Variants in ASCC1 observed in about 807,000 individuals in gnomAD.
The protein encoded by ASCC1 is activating signal cointegrator 1 complex subunit 1.
ASCC1 carries 35 observed loss-of-function variants against 46.6 expected under a neutral mutation model. That is an observed-to-expected ratio of 0.75 (90% confidence interval 0.57 to 0.99). The LOEUF is 0.99. Ranked by LOEUF, ASCC1 falls within the 50% of genes least tolerant of loss-of-function variation. ASCC1 has a pLI of 0.00. For synonymous variants in ASCC1, 143 were observed against 146.6 expected, an observed-to-expected ratio of 0.98 and a Z score of 0.18; for missense variants, 376 against 428.7, an observed-to-expected ratio of 0.88 and a Z score of 1.09.
intron 7 of ASCC1, among the ~76,000 whole-genome samples, chr10:72,151,710 G>C (rs967662952): frequency 6.1e-5 from 9 of 148,118 alleles, no homozygotes; most frequent in African/African-American, 2.3e-4. Flanking sequence ...TTTTTTTTTA[G>C]ACGGAGTCTC....
intron 9 of ASCC1, among the ~76,000 whole-genome samples, chr10:72,119,130 G>A (rs566532138): frequency 6.6e-6 from 1 of 152,324 alleles, no homozygotes; most frequent in East Asian, 1.9e-4. Flanking sequence ...ACTGCTAGAG[G>A]CTGTGTGGAC....
chr10:72,162,282 T>C (rs1454419627), intron 5 of ASCC1, among the ~76,000 whole-genome samples: 2 of 152,144 alleles, frequency 1.3e-5, no homozygotes, highest in Non-Finnish European at 2.9e-5. Context: ...GCCATTCTCC[T>C]GCCTCCGCCT....
At chr10:72,099,890 A>T (rs531805669) in intron 9 of ASCC1, among the ~76,000 whole-genome samples, 90 of 152,168 alleles carry the variant, frequency 5.9e-4, no homozygotes, top group Middle Eastern at 3.4e-3. Context: ...AGCAGGGTTT[A>T]AAAAAAATAA....
At chr10:72,158,358 C>T (rs1849236528) in intron 6 of ASCC1, among the ~76,000 whole-genome samples, 1 of 152,186 alleles carries the variant, frequency 6.6e-6, no homozygotes, top group Admixed American at 6.5e-5. Context: ...GTCAGGCCTG[C>T]TGGAAACACT....
chr10:72,124,122 C>A (rs916492605), intron 9 of ASCC1, among the ~76,000 whole-genome samples: 33 of 152,260 alleles, frequency 2.2e-4, no homozygotes, highest in African/African-American at 7.0e-4. Context: ...TCATTCACAT[C>A]TTTCAAGAAA....
At chr10:72,158,051 A>G (rs919701881) in intron 6 of ASCC1, among the ~76,000 whole-genome samples, 15 of 152,196 alleles carry the variant, frequency 9.9e-5, no homozygotes, top group Admixed American at 9.8e-4. Flanking sequence ...GGGTACTAAG[A>G]AGAAAAAAAA....
At chr10:72,176,700 A>G (rs992273314) in intron 5 of ASCC1, among the ~76,000 whole-genome samples, 1 of 152,050 alleles carries the variant, frequency 6.6e-6, no homozygotes, top group African/African-American at 2.4e-5. Context: ...TAACCCACAC[A>G]AGAGCTTTCA....
chr10:72,103,063 T>C (rs1841962246), intron 9 of ASCC1: 2 of 388,944 alleles, frequency 5.1e-6, no homozygotes, highest in Admixed American at 6.3e-5. Context: ...CCAACATTTA[T>C]TAAGTAAACA....
At chr10:72,135,895 G>A (rs1259283914) in intron 7 of ASCC1, among the ~76,000 whole-genome samples, 8 of 152,222 alleles carry the variant, frequency 5.3e-5, no homozygotes, top group Non-Finnish European at 1.0e-4. Flanking sequence ...TTCAAGGACT[G>A]GAGAAAATCT....
At chr10:72,205,448 T>C (rs12217207) in intron 3 of ASCC1, among the ~76,000 whole-genome samples, 1 of 152,040 alleles carries the variant, frequency 6.6e-6, no homozygotes, top group East Asian at 1.9e-4. Flanking sequence ...CTGGCCAACA[T>C]GGTAAAACCC....
chr10:72,149,342 G>A (rs1218855192), intron 7 of ASCC1, among the ~76,000 whole-genome samples: 1 of 150,760 alleles, frequency 6.6e-6, no homozygotes, highest in African/African-American at 2.5e-5. Context: ...GGAGGCTGAG[G>A]CAGGAGAATG....
chr10:72,170,022 A>AG (rs1301111124), intron 5 of ASCC1, among the ~76,000 whole-genome samples: 2 of 152,140 alleles, frequency 1.3e-5, no homozygotes, highest in Non-Finnish European at 2.9e-5. Flanking sequence ...CAAGAAGCTG[A>AG]GGCAGGAGAA....
Position 72,197,004 on chromosome 10 carries a change from G to T in ASCC1, c.311-15C>A. On this transcript the variant is annotated splice_polypyrimidine_tract_variant and intron_variant, in intron 4 of 9. Transcript: ENST00000672957. ...GCCAGTGATTACTGTAAACAAAGAA[G>T]AAAGGGTAAACTGCTCAAGGACCCC... is the stretch of plus-strand genomic sequence containing the variant. The T allele has an allele frequency of 6.2e-7, 1 of 1,613,398 alleles. No homozygotes were observed.
intron 9 of ASCC1, among the ~76,000 whole-genome samples, chr10:72,123,092 C>A (rs1229214584): frequency 6.6e-6 from 1 of 152,110 alleles, no homozygotes; most frequent in South Asian, 2.1e-4. Context: ...AATCCCAGCA[C>A]TTTGGGAGGC....
chr10:72,139,307 G>A (rs1214749717), intron 7 of ASCC1, among the ~76,000 whole-genome samples: 1 of 151,616 alleles, frequency 6.6e-6, no homozygotes, highest in African/African-American at 2.4e-5. Flanking sequence ...GTAGAGACAG[G>A]GTTTCACCGT....
chr10:72,150,694 T>C (rs895734655), intron 7 of ASCC1, among the ~76,000 whole-genome samples: 2 of 152,182 alleles, frequency 1.3e-5, no homozygotes, highest in South Asian at 2.1e-4. Context: ...TTTTGCAGTC[T>C]ACCCATCTGA....
chr10:72,152,697 C>A (rs1009061952), intron 7 of ASCC1, among the ~76,000 whole-genome samples, 172 bp downstream of exon 7: 1 of 151,950 alleles, frequency 6.6e-6, no homozygotes, highest in Non-Finnish European at 1.5e-5. Flanking sequence ...CTTTTTCCTA[C>A]AACAAATTCC....
intron 5 of ASCC1, among the ~76,000 whole-genome samples, chr10:72,168,849 C>G (rs1236074678): frequency 6.6e-6 from 1 of 152,160 alleles, no homozygotes; most frequent in Non-Finnish European, 1.5e-5. Context: ...GCAACCCTGC[C>G]AGCACCTTGA....
intron 5 of ASCC1, among the ~76,000 whole-genome samples, chr10:72,190,996 A>AG (rs1310224859): frequency 3.5e-5 from 1 of 28,456 alleles, no homozygotes; most frequent in Non-Finnish European, 7.1e-5. Flanking sequence ...ACGCCGTCTC[A>AG]AAAAAAAAAA....
Sources: gnomAD v4.1 joint callset for allele counts (sites outside exome capture counted in the v4.1 genomes callset) on GRCh38, gnomAD v4.1.1 for gene constraint, MANE v1.5 for transcripts, NCBI Gene and HGNC (gene_info 2026-07-23, HGNC 2026-07-21) for gene names.